Variants in HNRNPLL observed in about 807,000 individuals in gnomAD.
The protein encoded by HNRNPLL is heterogeneous nuclear ribonucleoprotein L-like.
In HNRNPLL, 25 loss-of-function variants were observed where a neutral mutation model predicts 67.1. That is an observed-to-expected ratio of 0.37 (90% CI 0.27 to 0.52). The LOEUF (loss-of-function observed/expected upper bound fraction) is 0.52, where lower values mean the gene tolerates loss of function less well. HNRNPLL is among the 20% of genes least tolerant of loss of function. HNRNPLL has a pLI of 0.90. For missense variants in HNRNPLL, 542 were observed against 673.9 expected (o/e 0.80, Z 2.17); for synonymous variants, 267 against 241.7 (o/e 1.10, Z -0.97).
chr2:38,582,233 G>T (rs1279695034), intron 4 of HNRNPLL, 65 bp from the exon 5 acceptor site: 6 of 1,028,164 alleles, frequency 5.8e-6, no homozygotes, highest in Non-Finnish European at 9.2e-6. Flanking sequence ...ACTCCCAAAG[G>T]ACAGGATTGA....
chr2:38,586,477 G>A (rs78277256), intron 2 of HNRNPLL, among the ~76,000 whole-genome samples: 1,664 of 152,246 alleles, frequency 0.011, 20 homozygotes, highest in African/African-American at 0.037. Flanking sequence ...GTGCTACTCC[G>A]AAGCAGTATT....
chr2:38,601,362 T>A (rs112688313), intron 1 of HNRNPLL, among the ~76,000 whole-genome samples: 2,122 of 152,336 alleles, frequency 0.014, 52 homozygotes, highest in African/African-American at 0.048. Flanking sequence ...GTCTTATTTT[T>A]AAAAGGTAAG....
At chr2:38,584,114 T>G (rs1666637101) in intron 3 of HNRNPLL, among the ~76,000 whole-genome samples, 188 bp from the exon 4 acceptor site, 1 of 152,186 alleles carries the variant, frequency 6.6e-6, no homozygotes, top group African/African-American at 2.4e-5. Context: ...TAGGCTAGAG[T>G]GCAGTGGCAC....
At chr2:38,595,733 A>G (rs1234640207) in intron 1 of HNRNPLL, among the ~76,000 whole-genome samples, 1 of 152,180 alleles carries the variant, frequency 6.6e-6, no homozygotes, top group Non-Finnish European at 1.5e-5. Context: ...AGTCCCAGCT[A>G]CTTGGAAGGC....
At chr2:38,593,398 A>G (rs1174534621) in intron 1 of HNRNPLL, among the ~76,000 whole-genome samples, 1 of 152,250 alleles carries the variant, frequency 6.6e-6, no homozygotes, top group Non-Finnish European at 1.5e-5. Flanking sequence ...AAGTATAACA[A>G]GTTTTACTCT....
At chr2:38,588,675 T>C (rs1478477859) in intron 2 of HNRNPLL, among the ~76,000 whole-genome samples, 1 of 152,028 alleles carries the variant, frequency 6.6e-6, no homozygotes, top group African/African-American at 2.4e-5. Flanking sequence ...CTGCCAATAT[T>C]CAATATAAAA....
intron 2 of HNRNPLL, among the ~76,000 whole-genome samples, chr2:38,590,064 T>C (rs1666898865): frequency 6.6e-6 from 1 of 152,202 alleles, no homozygotes; most frequent in Admixed American, 6.5e-5. Context: ...TCCAAATGAC[T>C]GAGAATTGAT....
chr2:38,597,035 T>C (rs1667222563), intron 1 of HNRNPLL, among the ~76,000 whole-genome samples: 1 of 152,232 alleles, frequency 6.6e-6, no homozygotes, highest in Admixed American at 6.5e-5. Flanking sequence ...ATATTTTATT[T>C]ATTTTTTATT....
At chr2:38,588,870 G>A (rs187102845) in intron 2 of HNRNPLL, among the ~76,000 whole-genome samples, 9 of 152,086 alleles carry the variant, frequency 5.9e-5, no homozygotes, top group South Asian at 2.1e-4. Flanking sequence ...GTATTAATAC[G>A]AGAAACAGTG....
At chr2:38,569,763 T>C in intron 9 of HNRNPLL, 41 bp downstream of exon 9, 1 of 1,098,140 alleles carries the variant, frequency 9.1e-7, no homozygotes, top group Middle Eastern at 2.7e-4. Context: ...CAAAGATTTT[T>C]AAATATTTTT....
At chr2:38,577,427 T>C (rs768494833) in intron 7 of HNRNPLL, 34 bp downstream of exon 7, 19 of 1,309,398 alleles carry the variant, frequency 1.5e-5, no homozygotes, top group Non-Finnish European at 1.1e-6. Context: ...AAACAGTTCA[T>C]CTATACTACC....
At chr2:38,596,153 C>A (rs1342300957) in intron 1 of HNRNPLL, among the ~76,000 whole-genome samples, 1 of 151,970 alleles carries the variant, frequency 6.6e-6, no homozygotes, top group African/African-American at 2.4e-5. Context: ...TACCATCATC[C>A]TCTCCTGAGC....
intron 10 of HNRNPLL, 43 bp downstream of exon 10, chr2:38,569,090 G>C: frequency 5.2e-6 from 7 of 1,341,766 alleles, no homozygotes; most frequent in Non-Finnish European, 7.5e-6. Context: ...TTTTAAAATA[G>C]GAAATAGCAA....
At chr2:38,593,890 G>A (rs1254812575) in intron 1 of HNRNPLL, among the ~76,000 whole-genome samples, 1 of 139,598 alleles carries the variant, frequency 7.2e-6, no homozygotes, top group Non-Finnish European at 1.5e-5. Flanking sequence ...AAACCTAAAT[G>A]CTGGCCGGGC....
At chr2:38,601,299 C>G (rs927002331) in intron 1 of HNRNPLL, among the ~76,000 whole-genome samples, 5 of 151,134 alleles carry the variant, frequency 3.3e-5, no homozygotes, top group Non-Finnish European at 7.4e-5. Context: ...ACTGACCAGC[C>G]TTTTTTTTTA....
chr2:38,568,184 A>C lies in HNRNPLL; in HGVS notation c.1573+15T>G, dbSNP rs754341167. 31 of 1,524,932 alleles carry C rather than the reference A, an allele frequency of 2.0e-5. No individual in the cohort carries two copies. Among genetic ancestry groups the C allele is most frequent in the Non-Finnish European group, 2.8e-5 (31 of 1,104,682 alleles). 94.5% of individuals were successfully genotyped at this position (1,524,932 alleles called of 1,614,324 possible). A position where few individuals can be genotyped will look rare whatever the true frequency, so the allele number is the denominator to read the frequency against. On this transcript the variant is annotated intron_variant, in intron 12 of 12. Coordinates refer to ENST00000449105, the MANE Select transcript of HNRNPLL (RefSeq NM_138394.4). ...CCACTACATAATTACAACACAAATA[A>C]AGCATTTTACTTACTCGGCACTCTT...
At chr2:38,587,327 G>C (rs1666773657) in intron 2 of HNRNPLL, among the ~76,000 whole-genome samples, 1 of 152,092 alleles carries the variant, frequency 6.6e-6, no homozygotes, top group Admixed American at 6.5e-5. Flanking sequence ...CTTGCACATT[G>C]TACACCCTCA....
intron 2 of HNRNPLL, among the ~76,000 whole-genome samples, chr2:38,589,052 A>C (rs1054630878): frequency 6.6e-6 from 1 of 152,240 alleles, no homozygotes; most frequent in Non-Finnish European, 1.5e-5. Context: ...GTATTGTAAA[A>C]CTAATCATTT....
In HNRNPLL at chr2:38,585,715, T is replaced by A; in HGVS notation, c.475A>T (p.Thr159Ser). The A allele has an allele frequency of 6.2e-7, 1 of 1,613,926 alleles. No individual in the cohort carries two copies. The highest frequency in any genetic ancestry group is 8.5e-7 in the Non-Finnish European group (1 of 1,179,812). ...TTGTTGCCTCCTGATGGATCATCAG[T>A]ATTTCCTGGCCGAGTGATCCTTTTG... Reference protein sequence around the residue: ...TSKRITRPGNTDDPSGGNKVL... With the variant: ...TSKRITRPGNSDDPSGGNKVL... Residue 159 changes from threonine (T) to serine (S), a missense_variant, in exon 3 of 13, where the codon ACT (threonine) becomes TCT (serine). By Grantham distance (58) the Thr-to-Ser change is moderately conservative (BLOSUM62 1). This residue lies in a region of HNRNPLL where 415 missense variants were observed against 575.2 expected (regional missense o/e 0.72). Coordinates refer to ENST00000449105, the MANE Select transcript of HNRNPLL (RefSeq NM_138394.4).
Sources: gnomAD v4.1 joint callset for allele counts (sites outside exome capture counted in the v4.1 genomes callset) on GRCh38, gnomAD v4.1.1 for gene constraint, gnomAD v4.1.1 regional missense constraint, MANE v1.5 for transcripts, NCBI Gene and HGNC (gene_info 2026-07-23, HGNC 2026-07-21) for gene names.